CYB561: variants seen among roughly 807,000 people sequenced by gnomAD.
CYB561 encodes the protein cytochrome b561.
CYB561 carries 11 observed loss-of-function variants against 25.3 expected under a neutral mutation model. That is an observed-to-expected ratio of 0.44 (90% confidence interval 0.27 to 0.72). CYB561 has a LOEUF of 0.72. Among genes scored for constraint, CYB561 ranks in the 30% least tolerant of loss-of-function variants. The probability of loss-of-function intolerance (pLI) is 0.18; values close to 1 mark genes in which losing one functional copy is unlikely to be tolerated. For synonymous variants in CYB561, 165 were observed against 158.8 expected, an observed-to-expected ratio of 1.04 and a Z score of -0.29; for missense variants, 295 against 334.9, an observed-to-expected ratio of 0.88 and a Z score of 0.93.
At position 63,439,782 on chromosome 17, in the gene CYB561, C is replaced by T. The variant is rs566227464; in HGVS notation, c.-13-2222G>A. On this transcript the variant is annotated intron_variant, in intron 1 of 5. Transcript: ENST00000360793. The stretch of plus-strand genomic sequence containing the variant: ...ACATGGATGTTTGTGTCAATGGATA[C>T]GCGCCCACATCATCATTTTCGTAAC... Among the ~76,000 whole-genome samples, 5 of 152,240 alleles carry T rather than the reference C, an allele frequency of 3.3e-5. No individual in the cohort carries two copies. The South Asian group carries it at 6.2e-4, about 19-fold the overall frequency.
chr17:63,443,178 C>G (rs1160435561), intron 1 of CYB561, among the ~76,000 whole-genome samples: 5 of 152,108 alleles, frequency 3.3e-5, no homozygotes. Context: ...TTCTTAGCAC[C>G]CCAGTAGCCC....
At chr17:63,438,290 G>C in intron 1 of CYB561, 1 of 1,344,292 alleles carries the variant, frequency 7.4e-7, no homozygotes, top group Non-Finnish European at 1.0e-6. Context: ...CGCGCTCCTT[G>C]ACGGGAAGGA....
Position 63,432,442 on chromosome 17 carries a change from G to A in CYB561, c.*1960C>T, listed in dbSNP as rs1037869075. The A allele has an allele frequency of 6.6e-6, 1 of 152,202 alleles. No individual in the cohort carries two copies. Among genetic ancestry groups the A allele is most frequent in the Non-Finnish European group, 1.5e-5 (1 of 68,030 alleles). 9.4% of individuals were successfully genotyped at this position (152,202 alleles called of 1,614,324 possible). ...TTCTTCAGCTCCTTAGTCATCCAGT[G>A]TTCACTTTGGCAAACAGACCAGTTT... On this transcript the variant is annotated 3_prime_UTR_variant, in exon 6 of 6. Coordinates refer to ENST00000360793, the MANE Select transcript of CYB561 (RefSeq NM_001915.4).
At chr17:63,439,863 C>A (rs2049357428) in intron 1 of CYB561, among the ~76,000 whole-genome samples, 1 of 152,158 alleles carries the variant, frequency 6.6e-6, no homozygotes, top group South Asian at 2.1e-4. Context: ...CATTGTTCAG[C>A]ATTTAGCTAG....
At position 63,433,412 on chromosome 17, in the gene CYB561, C is replaced by T; in HGVS notation, c.*990G>A. 1 of 398,834 alleles carries T rather than the reference C, an allele frequency of 2.5e-6. No homozygotes were observed. Among genetic ancestry groups the T allele is most frequent in the African/African-American group, 2.1e-5 (1 of 48,744 alleles). 24.7% of individuals were successfully genotyped at this position (398,834 alleles called of 1,614,324 possible). ...TGTAGTTGTTCTGACTCCATCCTGACTTCCTGGAAAGATGGGCAGCAGATA... is the reference window on the plus strand; with the variant it reads ...TGTAGTTGTTCTGACTCCATCCTGATTTCCTGGAAAGATGGGCAGCAGATA... On this transcript the variant is annotated 3_prime_UTR_variant, in exon 6 of 6. Coordinates refer to ENST00000360793, the MANE Select transcript of CYB561 (RefSeq NM_001915.4).
chr17:63,435,970 G>A (rs900075132), intron 3 of CYB561, 84 bp downstream of exon 3: 1 of 1,608,138 alleles, frequency 6.2e-7, no homozygotes, highest in Non-Finnish European at 8.5e-7. Flanking sequence ...CAGCTCTGGG[G>A]AGGGAACAGA....
chr17:63,443,741 C>T (rs2049398022), intron 1 of CYB561, among the ~76,000 whole-genome samples: 1 of 152,218 alleles, frequency 6.6e-6, no homozygotes, highest in Non-Finnish European at 1.5e-5. Flanking sequence ...GATCCTCCCA[C>T]CTCAGCCTCT....
At chr17:63,441,035 G>A (rs2049370092) in intron 1 of CYB561, among the ~76,000 whole-genome samples, 1 of 152,202 alleles carries the variant, frequency 6.6e-6, no homozygotes, top group South Asian at 2.1e-4. Context: ...GGGCAGGAGA[G>A]GCCCGCAGAG....
intron 1 of CYB561, among the ~76,000 whole-genome samples, chr17:63,445,438 A>T (rs147982610): frequency 7.5e-4 from 110 of 146,826 alleles, no homozygotes; most frequent in Admixed American, 1.4e-3. Context: ...TAGGCGCCCT[A>T]GATGTAACTT....
In CYB561 at chr17:63,435,211, G is replaced by C. The variant is rs144417762; in HGVS notation, c.438C>G (p.Pro146=). The stretch of plus-strand genomic sequence containing the variant: ...GGCTCCGCAGGGAGAATGAAGCTCC[G>C]GGGAACAGGAAGAAGCTGAAGCCCA... ...WLVGFSFFLF[P]GASFSLRSRY... is the part of the protein sequence containing the mutation. The change falls in exon 5 of 6, where the codon CCC becomes CCG. Residue 146 remains proline, a synonymous_variant. Transcript: ENST00000360793. The C allele has an allele frequency of 9.9e-6, 16 of 1,613,900 alleles. No homozygotes were observed. In the South Asian group the frequency reaches 1.5e-4, roughly 16 times the overall value.
At position 63,435,692 on chromosome 17, in the gene CYB561, A is replaced by G. The variant is rs2049290371; in HGVS notation, c.401T>C (p.Val134Ala). ...CGGGGTGTTGGAAGGACTCACCTGC[A>G]CAAAGTACAGGACAAAGACAAGGAT... is the stretch of plus-strand genomic sequence containing the variant. The part of the protein sequence containing the change: ...CGILVFVLYF[V>A]QWLVGFSFFL... Residue 134 changes from valine (V) to alanine (A), a missense_variant, in exon 4 of 6, where the codon GTG becomes GCG. Val to Ala is a moderately conservative substitution (Grantham distance 64). Transcript: ENST00000360793. The G allele has an allele frequency of 6.2e-7, 1 of 1,614,012 alleles. No individual in the cohort carries two copies. The highest frequency in any genetic ancestry group is 1.7e-5 in the Admixed American group (1 of 60,012).
At chr17:63,443,028 T>C (rs566375819) in intron 1 of CYB561, among the ~76,000 whole-genome samples, 2 of 152,208 alleles carry the variant, frequency 1.3e-5, no homozygotes, top group Admixed American at 6.5e-5. Context: ...AGAGTTTGAA[T>C]TGAGTTAGGA....
rs771406361 is a variant in CYB561 at position 63,436,079 on chromosome 17, G to T, written c.276C>A (p.Ile92=). The change falls in exon 3 of 6, where the codon ATC becomes ATA. Residue 92 remains isoleucine, a synonymous_variant. Transcript: ENST00000360793. The surrounding 1 kb of genome is among the most constrained non-coding windows in gnomAD (Gnocchi z 4.8). ...TTKVLHGLLH[I]FALVIALVGL... is the part of the protein sequence containing the mutation. The stretch of plus-strand genomic sequence containing the variant: ...CAACCAGGGCGATGACGAGCGCAAA[G>T]ATGTGCAGCAGCCCGTGCAGGACCT... The T allele has an allele frequency of 1.5e-5, 25 of 1,614,110 alleles. No individual in the cohort carries two copies. The South Asian group carries it at 2.7e-4, about 18-fold the overall frequency.
At chr17:63,441,062 A>C (rs915619730) in intron 1 of CYB561, among the ~76,000 whole-genome samples, 10 of 151,802 alleles carry the variant, frequency 6.6e-5, no homozygotes, top group African/African-American at 2.4e-4. Flanking sequence ...GCCGCTGCCC[A>C]CTCCTTCCTT....
chr17:63,437,744 A>T (rs1599118283), intron 1 of CYB561, 184 bp from the exon 2 acceptor site: 2 of 331,364 alleles, frequency 6.0e-6, no homozygotes, highest in East Asian at 1.3e-4. Flanking sequence ...GCCCCCCCCG[A>T]AATGCGCACA....
intron 1 of CYB561, chr17:63,440,807 A>T (rs933164910): frequency 6.6e-6 from 1 of 152,284 alleles, no homozygotes; most frequent in Non-Finnish European, 1.5e-5. Flanking sequence ...TAATACCCCG[A>T]GTCTAACAGG....
chr17:63,435,606 G>T, intron 4 of CYB561, 82 bp downstream of exon 4: 2 of 1,100,404 alleles, frequency 1.8e-6, no homozygotes, highest in Non-Finnish European at 2.8e-6. Flanking sequence ...GCCCTTCCAT[G>T]AGGTACATTT....
At chr17:63,445,380 CTT>C (rs558247824) in intron 1 of CYB561, among the ~76,000 whole-genome samples, 8 of 128,474 alleles carry the variant, frequency 6.2e-5, no homozygotes, top group South Asian at 2.6e-4. Flanking sequence ...GGTGGCAAAG[CTT>C]TTTTTTTTTT....
intron 1 of CYB561, among the ~76,000 whole-genome samples, chr17:63,444,079 G>A (rs1275371771): frequency 1.3e-5 from 2 of 152,028 alleles, no homozygotes; most frequent in East Asian, 1.9e-4. Context: ...TGCCTTCCGG[G>A]TCCAAGCAAT....
Sources: gnomAD v4.1 joint callset for allele counts (sites outside exome capture counted in the v4.1 genomes callset) on GRCh38, gnomAD v4.1.1 for gene constraint, Gnocchi (gnomAD v3.1) non-coding constraint, MANE v1.5 for transcripts, NCBI Gene and HGNC (gene_info 2026-07-23, HGNC 2026-07-21) for gene names.